The following SHTN1 variants were observed in gnomAD, a reference collection of about 807,000 sequenced individuals.
SHTN1 encodes shootin-1.
SHTN1 carries 42 observed loss-of-function variants against 83.1 expected under a neutral mutation model. The observed-to-expected ratio is 0.51, with a 90% CI of 0.39 to 0.65. The LOEUF (loss-of-function observed/expected upper bound fraction) is 0.65, where lower values mean the gene tolerates loss of function less well. Among genes scored for constraint, SHTN1 ranks in the 30% least tolerant of loss-of-function variants. The pLI, the probability that SHTN1 is intolerant of heterozygous loss-of-function variation, is 0.00. For missense variants in SHTN1, 622 were observed against 737.8 expected (o/e 0.84, Z 1.82); for synonymous variants, 224 against 247.7 (o/e 0.90, Z 0.90).
At chr10:116,919,838 G>A (rs1258502769) in intron 12 of SHTN1, among the ~76,000 whole-genome samples, 2 of 138,850 alleles carry the variant, frequency 1.4e-5, no homozygotes, top group African/African-American at 5.3e-5. Context: ...CCAAAGGATT[G>A]CAGAAGGCAG....
chr10:117,107,721 C>CAACA (rs1271073351), intron 1 of SHTN1, among the ~76,000 whole-genome samples: 3 of 152,176 alleles, frequency 2.0e-5, no homozygotes, highest in Admixed American at 1.3e-4. Flanking sequence ...ACTAACCAAA[C>CAACA]AACAAACAGG....
chr10:117,100,926 G>A (rs1194452092), intron 1 of SHTN1, among the ~76,000 whole-genome samples: 1 of 152,192 alleles, frequency 6.6e-6, no homozygotes, highest in Non-Finnish European at 1.5e-5. Context: ...GGTAAAAAGA[G>A]GGTGGGGAGT....
intron 1 of SHTN1, among the ~76,000 whole-genome samples, chr10:117,096,891 C>T (rs1853509380): frequency 6.6e-6 from 1 of 152,158 alleles, no homozygotes; most frequent in Non-Finnish European, 1.5e-5. Flanking sequence ...CCAAGCATTC[C>T]AACACATTTT....
intron 2 of SHTN1, among the ~76,000 whole-genome samples, chr10:117,039,642 A>G (rs1254516353): frequency 6.6e-6 from 1 of 152,068 alleles, no homozygotes; most frequent in East Asian, 1.9e-4. Context: ...TCACGAGGTC[A>G]GGAGATCAAG....
chr10:117,062,297 C>T (rs966730369), intron 1 of SHTN1, among the ~76,000 whole-genome samples: 1 of 152,056 alleles, frequency 6.6e-6, no homozygotes, highest in Admixed American at 6.6e-5. Flanking sequence ...ATTTTTTGAC[C>T]ATACATTTTA....
chr10:117,079,031 T>TA (rs1554936891), intron 1 of SHTN1, among the ~76,000 whole-genome samples: 3 of 151,532 alleles, frequency 2.0e-5, no homozygotes, highest in Non-Finnish European at 4.4e-5. Context: ...GAATTTTTTT[T>TA]ATTTTTATTT....
intron 1 of SHTN1, among the ~76,000 whole-genome samples, chr10:116,992,833 T>C (rs1851487637): frequency 6.6e-6 from 1 of 152,142 alleles, no homozygotes; most frequent in Non-Finnish European, 1.5e-5. Context: ...AAGCTGTTAT[T>C]CAGATTACAA....
chr10:116,887,177 A>C (rs1290102183), intron 16 of SHTN1, among the ~76,000 whole-genome samples: 2 of 152,170 alleles, frequency 1.3e-5, no homozygotes, highest in African/African-American at 2.4e-5. Context: ...CTAAGTTACC[A>C]TTAATGTTTC....
At chr10:117,109,584 A>G (rs190062061) in intron 1 of SHTN1, among the ~76,000 whole-genome samples, 276 of 1,518 alleles carry the variant, frequency 0.18, 3 homozygotes, top group South Asian at 0.41. Context: ...TTTTTTTTTG[A>G]GAGGGAGTCT....
chr10:117,052,634 T>C (rs2133589535), intron 1 of SHTN1, among the ~76,000 whole-genome samples: 1 of 152,230 alleles, frequency 6.6e-6, no homozygotes, highest in Non-Finnish European at 1.5e-5. Flanking sequence ...ATGTCTATAG[T>C]CAAGTGATTT....
chr10:116,894,403 C>T (rs182111326), intron 16 of SHTN1, among the ~76,000 whole-genome samples: 2 of 152,076 alleles, frequency 1.3e-5, no homozygotes, highest in South Asian at 2.1e-4. Context: ...CTCCCCCAAA[C>T]GAAAAAGCAA....
chr10:117,121,173 G>A (rs1370573410), intron 1 of SHTN1, among the ~76,000 whole-genome samples: 5 of 151,994 alleles, frequency 3.3e-5, no homozygotes, highest in African/African-American at 4.8e-5. Context: ...ATTATGCATC[G>A]ATAAAAAAAT....
intron 2 of SHTN1, among the ~76,000 whole-genome samples, chr10:116,970,006 T>C (rs758317073): frequency 1.3e-5 from 2 of 152,202 alleles, no homozygotes; most frequent in Non-Finnish European, 2.9e-5. Flanking sequence ...GCCATATAAA[T>C]ATATAGGAAT....
At chr10:117,007,554 CAAAAAAAAAAAAAA>C (rs35941784), upstream of SHTN1, among the ~76,000 whole-genome samples, 1 of 16,372 alleles carries the variant, frequency 6.1e-5, no homozygotes, top group East Asian at 2.6e-3. Flanking sequence ...GACTCCATCT[CAAAAAAAAAAAAAA>C]AAAAAAAAAA....
intron 2 of SHTN1, among the ~76,000 whole-genome samples, chr10:117,038,109 C>T (rs1217489026): frequency 6.7e-6 from 1 of 149,966 alleles, no homozygotes; most frequent in Non-Finnish European, 1.5e-5. Flanking sequence ...ATAGAAGAAA[C>T]TATAGATGAG....
chr10:117,094,145 G>A (rs532056818), intron 1 of SHTN1, among the ~76,000 whole-genome samples: 166 of 152,244 alleles, frequency 1.1e-3, no homozygotes, highest in African/African-American at 3.8e-3. Context: ...GCACTACACC[G>A]CTCTGATGAG....
At chr10:117,108,267 T>C (rs1252547790) in intron 1 of SHTN1, among the ~76,000 whole-genome samples, 1 of 152,140 alleles carries the variant, frequency 6.6e-6, no homozygotes, top group Non-Finnish European at 1.5e-5. Flanking sequence ...CATATGTTTA[T>C]TGTGGCACTA....
At chr10:116,997,954 T>C in intron 1 of SHTN1, among the ~76,000 whole-genome samples, 1 of 152,138 alleles carries the variant, frequency 6.6e-6, no homozygotes, top group Admixed American at 6.5e-5. Context: ...TAGTCAGGCA[T>C]GGTGGCGGGC....
At chr10:116,901,006 T>C in intron 16 of SHTN1, 1 of 985,430 alleles carries the variant, frequency 1.0e-6, no homozygotes, top group Non-Finnish European at 1.2e-6. Context: ...AAGGGGTTCT[T>C]TCTCTCTTGA....
Sources: allele counts gnomAD v4.1 joint callset (sites outside exome capture counted in the v4.1 genomes callset), GRCh38; gene constraint gnomAD v4.1.1; transcripts MANE v1.5; gene names NCBI Gene and HGNC (gene_info 2026-07-23, HGNC 2026-07-21).